EFCAB6: variants seen among roughly 807,000 people sequenced by gnomAD.
EFCAB6 encodes the protein EF-hand calcium-binding domain-containing protein 6.
A neutral mutation model predicts 169.8 loss-of-function variants in EFCAB6; 156 were observed. That is an observed-to-expected ratio of 0.92 (90% CI 0.81 to 1.05). The LOEUF is 1.05. Among genes scored for constraint, EFCAB6 ranks in the 50% least tolerant of loss-of-function variants. The pLI is 0.00. For missense variants in EFCAB6, 1,800 were observed against 1,829.1 expected, an observed-to-expected ratio of 0.98 and a Z score of 0.29; for synonymous variants, 698 against 676.4, an observed-to-expected ratio of 1.03 and a Z score of -0.50.
intron 8 of EFCAB6, among the ~76,000 whole-genome samples, chr22:43,718,338 T>G (rs922695373): frequency 6.6e-6 from 1 of 152,132 alleles, no homozygotes; most frequent in Non-Finnish European, 1.5e-5. Context: ...TGTCTGCAAA[T>G]ACGCTTCAGC....
rs9614382 is a variant in EFCAB6, at chr22:43,580,516, G to A, written c.3176C>T (p.Ala1059Val). The change falls in exon 25 of 32, where the codon GCT (alanine) becomes GTT (valine). Residue 1059 changes from alanine to valine, a missense_variant. Ala to Val is a moderately conservative substitution (Grantham distance 64). Coordinates refer to ENST00000262726, the MANE Select transcript of EFCAB6 (RefSeq NM_022785.4). ...INFATLNPQE[A>V]VRKIQEVVES... ...AACTACTTCCTGGATCTTCCTCACA[G>A]CCTCCTGTGGATTCAGCGTTGCAAA... is the stretch of plus-strand genomic sequence containing the variant. The A allele has an allele frequency of 0.74, 1,187,709 of 1,613,798 alleles. 438,659 individuals are homozygous for A. The highest frequency in any genetic ancestry group is 0.86 in the Admixed American group (51,435 of 60,016).
Position 43,626,482 on chromosome 22 carries a change from T to G in EFCAB6, c.2430A>C (p.Pro810=), listed in dbSNP as rs1474141926. ...REFQNLCEKR[P]WRTDEAPQRL... The stretch of plus-strand genomic sequence containing the variant: ...TTTGAGGCGCTTCATCTGTTCTCCA[T>G]GGTCTCTTCTCACACAAATTTTGAA... The change falls in exon 20 of 32, where the codon CCA becomes CCC. Residue 810 remains proline (P), a synonymous_variant. Coordinates refer to ENST00000262726, the MANE Select transcript of EFCAB6 (RefSeq NM_022785.4). 6.2e-7 allele frequency: 1 copy of G among 1,614,216 alleles called. No homozygotes were observed. Among genetic ancestry groups the G allele is most frequent in the South Asian group, 1.1e-5 (1 of 91,080 alleles).
At chr22:43,698,487 A>G (rs1420570203) in intron 10 of EFCAB6, among the ~76,000 whole-genome samples, 1 of 152,218 alleles carries the variant, frequency 6.6e-6, no homozygotes, top group Non-Finnish European at 1.5e-5. Flanking sequence ...CAAGGAGCTC[A>G]TTTGTTGAGT....
At chr22:43,664,882 C>A (rs1472834996) in intron 17 of EFCAB6, among the ~76,000 whole-genome samples, 2 of 152,014 alleles carry the variant, frequency 1.3e-5, no homozygotes, top group Non-Finnish European at 2.9e-5. Context: ...TGACGATGAA[C>A]TGTGGCATGG....
rs2061846469 is a variant in EFCAB6 at position 43,782,228 on chromosome 22, T to C, written c.91A>G (p.Arg31Gly). ...THSRPHSSPC[R>G]VYSRNGSPNK... is the part of the protein sequence containing the mutation. ...GGGGAACCATTCCTTGAATATACTC[T>C]ACACGGTGAAGAATGGGGTCTTGAA... is the stretch of plus-strand genomic sequence containing the variant. Residue 31 changes from arginine (R) to glycine (G), a missense_variant, in exon 3 of 32, where the codon AGA becomes GGA. Coordinates refer to ENST00000262726, the MANE Select transcript of EFCAB6 (RefSeq NM_022785.4). The C allele has an allele frequency of 1.2e-6, 2 of 1,614,108 alleles. No homozygotes were observed. The highest frequency in any genetic ancestry group is 8.5e-7 in the Non-Finnish European group (1 of 1,179,958).
At chr22:43,791,616 G>T (rs536231304) in intron 2 of EFCAB6, among the ~76,000 whole-genome samples, 1 of 152,204 alleles carries the variant, frequency 6.6e-6, no homozygotes, top group South Asian at 2.1e-4. Flanking sequence ...TTGATGGTGA[G>T]TGTCAAATGC....
intron 17 of EFCAB6, among the ~76,000 whole-genome samples, chr22:43,645,306 A>G (rs904810880): frequency 2.0e-5 from 3 of 152,264 alleles, no homozygotes; most frequent in African/African-American, 7.2e-5. Flanking sequence ...TTGGCAAATT[A>G]AAGTGCATGT....
At chr22:43,725,177 G>C (rs1310074906) in intron 8 of EFCAB6, among the ~76,000 whole-genome samples, 1 of 96,418 alleles carries the variant, frequency 1.0e-5, no homozygotes, top group African/African-American at 4.1e-5. Context: ...TTTCATTCTT[G>C]TTGCCCAGGC....
intron 26 of EFCAB6, among the ~76,000 whole-genome samples, chr22:43,571,966 G>A (rs576405052): frequency 3.7e-4 from 56 of 152,212 alleles, no homozygotes; most frequent in African/African-American, 1.2e-3. Context: ...TTAGCTTCTC[G>A]GCCAGGTGCA....
At chr22:43,532,667 C>A (rs1002608398) in intron 30 of EFCAB6, among the ~76,000 whole-genome samples, 4 of 152,080 alleles carry the variant, frequency 2.6e-5, no homozygotes, top group Non-Finnish European at 2.9e-5. Flanking sequence ...TAAGATGGAA[C>A]CTGATTTTGC....
intron 20 of EFCAB6, among the ~76,000 whole-genome samples, chr22:43,621,723 A>G (rs1427257887): frequency 6.6e-6 from 1 of 152,142 alleles, no homozygotes; most frequent in African/African-American, 2.4e-5. Flanking sequence ...AAATCAGAAA[A>G]ATAGAGAAAA....
At chr22:43,732,465 C>CT (rs5845617) in intron 7 of EFCAB6, among the ~76,000 whole-genome samples, 74,493 of 119,216 alleles carry the variant, frequency 0.62, 23,977 homozygotes, top group Admixed American at 0.68. Flanking sequence ...TACTGAAATA[C>CT]TTTTTTTTTT....
chr22:43,763,790 G>A (rs1399438053), intron 5 of EFCAB6, among the ~76,000 whole-genome samples: 2 of 150,434 alleles, frequency 1.3e-5, no homozygotes, highest in African/African-American at 4.9e-5. Context: ...TTATTCTTTT[G>A]AGACAGAGTC....
intron 4 of EFCAB6, among the ~76,000 whole-genome samples, chr22:43,769,855 A>AT (rs2061416123): frequency 7.3e-6 from 1 of 136,182 alleles, no homozygotes; most frequent in South Asian, 2.4e-4. Flanking sequence ...AAGGTGAGCT[A>AT]ATTTTTTTTT....
chr22:43,728,155 A>C (rs1411218378), intron 8 of EFCAB6, among the ~76,000 whole-genome samples: 1 of 152,046 alleles, frequency 6.6e-6, no homozygotes, highest in Admixed American at 6.6e-5. Context: ...GAGTGAGAAC[A>C]TGCGGTGTTT....
chr22:43,532,385 G>A (rs1002314839), intron 30 of EFCAB6, among the ~76,000 whole-genome samples: 2 of 152,162 alleles, frequency 1.3e-5, no homozygotes, highest in African/African-American at 2.4e-5. Flanking sequence ...GCACGTCCTA[G>A]CAAGGTCTTA....
intron 11 of EFCAB6, among the ~76,000 whole-genome samples, chr22:43,684,816 G>A (rs1052150217): frequency 6.6e-6 from 1 of 152,090 alleles, no homozygotes. Context: ...TTTATCCACC[G>A]GGTACCCCTG....
At chr22:43,670,187 C>T (rs1440231532) in intron 15 of EFCAB6, among the ~76,000 whole-genome samples, 1 of 152,132 alleles carries the variant, frequency 6.6e-6, no homozygotes, top group Admixed American at 6.5e-5. Flanking sequence ...AAAGTTTTCC[C>T]TGAGCCTATA....
intron 3 of EFCAB6, 67 bp downstream of exon 3, chr22:43,782,113 T>C: frequency 2.7e-6 from 4 of 1,488,620 alleles, no homozygotes; most frequent in Non-Finnish European, 3.7e-6. Flanking sequence ...GAACTAAGCT[T>C]GGTACATATT....
Sources: allele counts gnomAD v4.1 joint callset (sites outside exome capture counted in the v4.1 genomes callset), GRCh38; gene constraint gnomAD v4.1.1; transcripts MANE v1.5; gene names NCBI Gene and HGNC (gene_info 2026-07-23, HGNC 2026-07-21).